The following FSCN2 variants were observed in gnomAD, a reference collection of about 807,000 sequenced individuals.
FSCN2 encodes the protein fascin-2.
In FSCN2, 46 loss-of-function variants were observed where a neutral mutation model predicts 37.8. The observed-to-expected ratio is 1.22, with a 90% CI of 0.96 to 1.56. FSCN2 has a LOEUF of 1.56. Ranked by LOEUF, FSCN2 falls within the 40% of genes most tolerant of loss-of-function variation. The probability of loss-of-function intolerance (pLI) is 0.00; values close to 1 mark genes in which losing one functional copy is unlikely to be tolerated. For missense variants in FSCN2, 844 were observed against 730.4 expected, an observed-to-expected ratio of 1.16 and a Z score of -1.79; for synonymous variants, 351 against 309.4, an observed-to-expected ratio of 1.13 and a Z score of -1.41.
intron 2 of FSCN2, 21 bp from the exon 3 acceptor site, chr17:81,536,125 A>G: frequency 6.2e-7 from 1 of 1,604,048 alleles, no homozygotes; most frequent in Non-Finnish European, 8.5e-7. Flanking sequence ...TCCTGAGGAG[A>G]CCTTTTGCTG....
rs915562897 is a variant in FSCN2, at chr17:81,536,171, G to C, written c.1009G>C (p.Glu337Gln). The C allele has an allele frequency of 6.2e-7, 1 of 1,606,224 alleles. No homozygotes were observed. The highest frequency in any genetic ancestry group is 1.7e-5 in the Admixed American group (1 of 59,126). Residue 337 changes from glutamate (E) to glutamine (Q), a missense_variant, in exon 3 of 5, where the codon GAG (glutamate) becomes CAG (glutamine). Transcript: ENST00000417245. ...TTCTGCCAACACCATGTTTGAGATG[G>C]AGTGGCGTGGCCGGCGGGTAGCACT... ...QVSANTMFEM[E>Q]WRGRRVALKA...
At chr17:81,517,497 C>T in the FSCN2 span, among the ~76,000 whole-genome samples, 1 of 152,224 alleles carries the variant, frequency 6.6e-6, no homozygotes, top group African/African-American at 2.4e-5. Context: ...TCTTGCCTGA[C>T]ACCCAGGGGC....
intron 3 of FSCN2, 93 bp downstream of exon 3, chr17:81,536,360 C>A (rs1464347475): frequency 2.0e-6 from 3 of 1,477,766 alleles, no homozygotes; most frequent in South Asian, 1.2e-5. Flanking sequence ...AAGAGCTGGA[C>A]CCTCCCCAGC....
chr17:81,519,592 C>A, the FSCN2 span, among the ~76,000 whole-genome samples: 1 of 152,310 alleles, frequency 6.6e-6, no homozygotes, highest in South Asian at 2.1e-4. Context: ...CCAGGAGCGC[C>A]AGGAGGGACC....
the FSCN2 span, among the ~76,000 whole-genome samples, chr17:81,517,368 A>T: frequency 6.6e-6 from 1 of 152,198 alleles, no homozygotes; most frequent in South Asian, 2.1e-4. Context: ...AAAAGAGGAG[A>T]GGGCTCTGCG....
At chr17:81,521,019 G>A in the FSCN2 span, among the ~76,000 whole-genome samples, 6 of 152,002 alleles carry the variant, frequency 3.9e-5, no homozygotes, top group South Asian at 4.2e-4. Context: ...ACCCTTCAGC[G>A]GAGTTTTTCA....
chr17:81,527,163 C>G (rs1429479961), upstream of FSCN2: 1 of 152,598 alleles, frequency 6.6e-6, no homozygotes, highest in African/African-American at 2.4e-5. Context: ...CCCACAGGTG[C>G]CCAGCCCAGG....
At chr17:81,523,303 C>T in the FSCN2 span, among the ~76,000 whole-genome samples, 20 of 152,232 alleles carry the variant, frequency 1.3e-4, no homozygotes, top group African/African-American at 4.6e-4. Context: ...CAACCCTGCC[C>T]TGCCCCCTGC....
At chr17:81,530,885 G>GT (rs2032527273) in intron 1 of FSCN2, among the ~76,000 whole-genome samples, 1 of 146,084 alleles carries the variant, frequency 6.8e-6, no homozygotes, top group Non-Finnish European at 1.5e-5. Context: ...CAGTCCAGCT[G>GT]TAATGCCTGC....
chr17:81,531,336 A>ATGGTGGTGG (rs1555671268), intron 1 of FSCN2, among the ~76,000 whole-genome samples: 5 of 45,422 alleles, frequency 1.1e-4, no homozygotes, highest in Non-Finnish European at 2.4e-4. Flanking sequence ...GGTGGTGGTG[A>ATGGTGGTGG]TGGTGGTGGT....
intron 1 of FSCN2, chr17:81,530,061 C>T (rs755599320): frequency 3.2e-5 from 8 of 246,282 alleles, no homozygotes; most frequent in Non-Finnish European, 5.7e-5. Context: ...CTGTCCACCT[C>T]GGCCTCCCAA....
At position 81,528,467 on chromosome 17, in the gene FSCN2, C is replaced by T. The variant is rs547927991; in HGVS notation, c.-65C>T. 146 of 1,263,098 alleles carry T rather than the reference C, an allele frequency of 1.2e-4. 2 individuals carry two copies. Among genetic ancestry groups the T allele is most frequent in the South Asian group, 1.0e-3 (75 of 71,544 alleles). The allele number at this position is 1,263,098 out of a possible 1,614,324, so 78.2% of individuals were successfully genotyped here. A position where few individuals can be genotyped will look rare whatever the true frequency, so the allele number is the denominator to read the frequency against. On this transcript the variant is annotated 5_prime_UTR_variant, in exon 1 of 5. Transcript: ENST00000417245. Reference sequence around the variant, plus strand: ...GAGCCGACCCGGGCTTCTGGGGGACCGCGGGGGCCGTGAGCACTCAGAGGG... The same window carrying T: ...GAGCCGACCCGGGCTTCTGGGGGACTGCGGGGGCCGTGAGCACTCAGAGGG...
At chr17:81,531,591 G>GCGA in intron 1 of FSCN2, among the ~76,000 whole-genome samples, 1 of 129,754 alleles carries the variant, frequency 7.7e-6, no homozygotes, top group South Asian at 2.7e-4. Flanking sequence ...GATGGTGATG[G>GCGA]TGATAGTGAT....
intron 2 of FSCN2, among the ~76,000 whole-genome samples, chr17:81,535,846 TCTC>T (rs1369397891): frequency 5.2e-5 from 4 of 76,982 alleles, no homozygotes; most frequent in African/African-American, 3.2e-4. Flanking sequence ...CCCATCCCCA[TCTC>T]CATCACCATC....
chr17:81,528,958 C>A lies in FSCN2; in HGVS notation c.427C>A (p.Leu143Met). 6.3e-7 allele frequency: 1 copy of A among 1,590,256 alleles called. No individual in the cohort carries two copies. Residue 143 changes from leucine to methionine, a missense_variant, in exon 1 of 5, where the codon CTG becomes ATG. Coordinates refer to ENST00000417245, the MANE Select transcript of FSCN2 (RefSeq NM_012418.4). Reference sequence around the variant, plus strand: ...CCTGGCCATCCACCCGCAGGCCCACCTGCTGAGCGTGAGCCGGCGGCGCTA... The same window carrying A: ...CCTGGCCATCCACCCGCAGGCCCACATGCTGAGCGTGAGCCGGCGGCGCTA... ...VHLAIHPQAH[L>M]LSVSRRRYVH...
rs1442386574 is a variant in FSCN2, at chr17:81,536,031, G to A, written c.984-115G>A. ...GGTAGCGCCTGATGGTGGTGGGTGT[G>A]TCAGTGGAGGGCAGGCTTCTGTCCC... On this transcript the variant is annotated intron_variant, in intron 2 of 4. Transcript: ENST00000417245. 4 of 1,307,084 alleles carry A rather than the reference G, an allele frequency of 3.1e-6. No homozygotes were observed. The East Asian group carries it at 7.6e-5, about 25-fold the overall frequency. 81.0% of individuals were successfully genotyped at this position (1,307,084 alleles called of 1,614,324 possible).
chr17:81,532,942 C>T lies in FSCN2; in HGVS notation c.827-2110C>T, dbSNP rs888389814. 1.1e-4 allele frequency among the ~76,000 whole-genome samples: 16 copies of T among 152,282 alleles called. No homozygotes were observed. The South Asian group carries it at 2.9e-3, about 28-fold the overall frequency. On this transcript the variant is annotated intron_variant, in intron 1 of 4. Coordinates refer to ENST00000417245, the MANE Select transcript of FSCN2 (RefSeq NM_012418.4). ...AGAAGCAGGAAGCAGCAGCCACTCG[C>T]CTCCCTGCCTTCAACAGGGCTGAGG...
the FSCN2 span, among the ~76,000 whole-genome samples, chr17:81,522,939 T>C: frequency 3.3e-5 from 5 of 152,168 alleles, no homozygotes; most frequent in Non-Finnish European, 5.9e-5. Context: ...GCCCCAGTGG[T>C]TGTGAGGCAT....
At position 81,536,565 on chromosome 17, in the gene FSCN2, C is replaced by A. The variant is rs769902092; in HGVS notation, c.1106-57C>A. On this transcript the variant is annotated intron_variant, in intron 3 of 4. Transcript: ENST00000417245. ...CGTTTCCCAGGGCCCCCACCCCGCCCGGCCTGGACAGGGAAGGTGGCGGGA... is the reference window on the plus strand; with the variant it reads ...CGTTTCCCAGGGCCCCCACCCCGCCAGGCCTGGACAGGGAAGGTGGCGGGA... 2.5e-6 allele frequency: 4 copies of A among 1,596,924 alleles called. No individual in the cohort carries two copies. The Admixed American group carries it at 5.1e-5, about 20-fold the overall frequency.
Sources: gnomAD v4.1 joint callset for allele counts (sites outside exome capture counted in the v4.1 genomes callset) on GRCh38, gnomAD v4.1.1 for gene constraint, MANE v1.5 for transcripts, NCBI Gene and HGNC (gene_info 2026-07-23, HGNC 2026-07-21) for gene names.